RBPMS: variants seen among roughly 807,000 people sequenced by gnomAD.
RBPMS encodes the protein RNA binding protein, mRNA processing factor, also known as RNA-binding protein with multiple splicing.
Under a neutral mutation model 26.8 loss-of-function variants are expected in RBPMS, and 7 were observed. The ratio of observed to expected loss-of-function variants is 0.26; its 90% CI spans 0.15 to 0.49. The LOEUF is 0.49. Among genes scored for constraint, RBPMS ranks in the 20% least tolerant of loss-of-function variants. The pLI is 0.98. For missense variants in RBPMS, 186 were observed against 250.0 expected, an observed-to-expected ratio of 0.74 and a Z score of 1.73; for synonymous variants, 96 against 93.3, an observed-to-expected ratio of 1.03 and a Z score of -0.17.
intron 7 of RBPMS, among the ~76,000 whole-genome samples, chr8:30,563,087 G>A (rs1429289800): frequency 1.3e-5 from 2 of 152,210 alleles, no homozygotes; most frequent in Non-Finnish European, 2.9e-5. Flanking sequence ...TCATGATCCT[G>A]CAAGACCAGC....
intron 6 of RBPMS, among the ~76,000 whole-genome samples, chr8:30,557,756 A>G (rs1158567287): frequency 1.3e-5 from 2 of 152,222 alleles, no homozygotes; most frequent in Non-Finnish European, 2.9e-5. Context: ...TGCCGCCTCC[A>G]TGTGAAAGGA....
rs557104164 is a variant in RBPMS at position 30,549,552 on chromosome 8, C to A, written c.528+4928C>A. 762 of 1,614,158 alleles carry A rather than the reference C, an allele frequency of 4.7e-4. 8 individuals carry two copies. In the South Asian group the frequency reaches 7.0e-3, roughly 15 times the overall value. On this transcript the variant is annotated intron_variant, in intron 6 of 8. Transcript: ENST00000397323. ...AGCCACCCCTTGAGCGCTCCGTCTC[C>A]TGATAGTGCCAGCCTGGCCTGGTTT...
intron 1 of RBPMS, among the ~76,000 whole-genome samples, chr8:30,446,252 G>A (rs1255921175): frequency 6.6e-6 from 1 of 152,100 alleles, no homozygotes; most frequent in African/African-American, 2.4e-5. Context: ...AGTAGATTTG[G>A]TCATGTAATA....
chr8:30,532,586 A>C (rs988212774), intron 5 of RBPMS, among the ~76,000 whole-genome samples: 1 of 152,218 alleles, frequency 6.6e-6, no homozygotes, highest in African/African-American at 2.4e-5. Flanking sequence ...AAAGGACTTA[A>C]AGGGGAGAAA....
rs185039076 is a variant in RBPMS, at chr8:30,526,827, G to A, written c.398-17667G>A. Among the ~76,000 whole-genome samples, 587 of 152,266 alleles carry A rather than the reference G, an allele frequency of 3.9e-3. 2 individuals carry two copies. Among genetic ancestry groups the A allele is most frequent in the Non-Finnish European group, 5.0e-3 (339 of 68,028 alleles). ...GTTTTCTTTAATTCAAAAGGTATTG[G>A]GAGGTATTGCAGATCTGGAAGAAGG... On this transcript the variant is annotated intron_variant, in intron 5 of 8. Transcript: ENST00000397323.
At chr8:30,565,770 C>G (rs551333405) in intron 7 of RBPMS, 1 of 152,428 alleles carries the variant, frequency 6.6e-6, no homozygotes, top group South Asian at 2.1e-4. Flanking sequence ...TTGGGCTGAC[C>G]AAAGCTGCTC....
At chr8:30,431,550 G>A (rs370465190) in intron 1 of RBPMS, among the ~76,000 whole-genome samples, 6 of 151,766 alleles carry the variant, frequency 4.0e-5, no homozygotes, top group East Asian at 3.9e-4. Flanking sequence ...TGTCTCCTAG[G>A]TTCAAGTAAT....
chr8:30,387,465 C>T (rs1000647172), intron 1 of RBPMS: 3 of 152,072 alleles, frequency 2.0e-5, no homozygotes, highest in Admixed American at 6.6e-5. Flanking sequence ...TTAATGTGCC[C>T]GGCATTACAC....
chr8:30,490,467 C>CT (rs150058230), intron 4 of RBPMS, among the ~76,000 whole-genome samples: 35,582 of 149,452 alleles, frequency 0.24, 4,561 homozygotes, highest in East Asian at 0.41. Context: ...TTATTGTTGT[C>CT]TTTTTTTTTT....
intron 1 of RBPMS, among the ~76,000 whole-genome samples, chr8:30,443,754 C>A (rs552361854): frequency 6.6e-6 from 1 of 152,074 alleles, no homozygotes; most frequent in South Asian, 2.1e-4. Context: ...ACCACCACCA[C>A]GTCCAGCGAA....
At chr8:30,538,318 G>A (rs1277708229) in intron 5 of RBPMS, among the ~76,000 whole-genome samples, 2 of 151,844 alleles carry the variant, frequency 1.3e-5, no homozygotes, top group African/African-American at 2.4e-5. Flanking sequence ...GCAGTGGTGC[G>A]ATCTTGGCAC....
intron 5 of RBPMS, among the ~76,000 whole-genome samples, chr8:30,538,442 A>T (rs1395180612): frequency 6.6e-6 from 1 of 152,066 alleles, no homozygotes; most frequent in Admixed American, 6.5e-5. Context: ...TTTAGTAGAG[A>T]CGGGGTTCTC....
intron 5 of RBPMS, among the ~76,000 whole-genome samples, chr8:30,542,090 G>A (rs1228058247): frequency 6.6e-6 from 1 of 152,198 alleles, no homozygotes; most frequent in Admixed American, 6.5e-5. Flanking sequence ...GATGTATCAA[G>A]GGATTTATCA....
At chr8:30,432,903 A>T (rs371614396) in intron 1 of RBPMS, among the ~76,000 whole-genome samples, 1 of 152,238 alleles carries the variant, frequency 6.6e-6, no homozygotes, top group African/African-American at 2.4e-5. Context: ...TCGCTTAAAC[A>T]TTCTGTTGAT....
intron 1 of RBPMS, among the ~76,000 whole-genome samples, chr8:30,421,144 TAGGG>T (rs1317413371): frequency 6.6e-5 from 10 of 152,102 alleles, no homozygotes; most frequent in Non-Finnish European, 8.8e-5. Flanking sequence ...TTTGTTTTCT[TAGGG>T]AGGTGTGTGT....
intron 4 of RBPMS, among the ~76,000 whole-genome samples, chr8:30,490,381 C>T (rs963886168): frequency 8.5e-5 from 13 of 152,170 alleles, no homozygotes; most frequent in African/African-American, 2.9e-4. Flanking sequence ...ATCTCTGTTT[C>T]GAAGACCCAA....
chr8:30,555,501 TGAG>T lies in RBPMS; in HGVS notation c.529-3385_529-3383del, dbSNP rs535039226. On this transcript the variant is annotated intron_variant, in intron 6 of 8. Transcript: ENST00000397323. ...TGTGTTAAAGTTTCTCACAGGGTCT[TGAG>T]AAGCCCCTGGAATTGTGTGCAAGAC... Among the ~76,000 whole-genome samples, 1,034 of 152,294 alleles carry T rather than the reference TGAG, an allele frequency of 6.8e-3. 5 individuals carry two copies. Among genetic ancestry groups the T allele is most frequent in the Non-Finnish European group, 9.3e-3 (634 of 68,026 alleles).
chr8:30,528,260 G>A (rs1250084549), intron 5 of RBPMS, among the ~76,000 whole-genome samples: 2 of 152,166 alleles, frequency 1.3e-5, no homozygotes, highest in East Asian at 1.9e-4. Context: ...CATTGCTTTC[G>A]GAGAGGTACT....
At chr8:30,530,457 T>C (rs1466136207) in intron 5 of RBPMS, among the ~76,000 whole-genome samples, 1 of 152,070 alleles carries the variant, frequency 6.6e-6, no homozygotes, top group African/African-American at 2.4e-5. Flanking sequence ...CATGGGAAGT[T>C]TTCTTTTTTT....
Sources: gnomAD v4.1 joint callset for allele counts (sites outside exome capture counted in the v4.1 genomes callset) on GRCh38, gnomAD v4.1.1 for gene constraint, MANE v1.5 for transcripts, NCBI Gene and HGNC (gene_info 2026-07-23, HGNC 2026-07-21) for gene names.